WDR72: variants seen among roughly 807,000 people sequenced by gnomAD.
WDR72 encodes WD repeat-containing protein 72.
In WDR72, 120 loss-of-function variants were observed where a neutral mutation model predicts 124.2. The ratio of observed to expected loss-of-function variants is 0.97; its 90% CI spans 0.83 to 1.12. The LOEUF is 1.12. Among genes scored for constraint, WDR72 ranks in the 50% most tolerant of loss-of-function variants. The pLI, the probability that WDR72 is intolerant of heterozygous loss-of-function variation, is 0.00. For synonymous variants in WDR72, 452 were observed against 441.7 expected (o/e 1.02, Z -0.29); for missense variants, 1,387 against 1,278.8 (o/e 1.08, Z -1.29).
At chr15:53,658,844 C>A (rs898956472) in intron 14 of WDR72, among the ~76,000 whole-genome samples, 1 of 152,164 alleles carries the variant, frequency 6.6e-6, no homozygotes, top group Non-Finnish European at 1.5e-5. Context: ...ATTTAAACTT[C>A]CACTTATAAA....
At chr15:53,578,282 T>C (rs1159310420) in intron 18 of WDR72, among the ~76,000 whole-genome samples, 1 of 151,992 alleles carries the variant, frequency 6.6e-6, no homozygotes, top group East Asian at 1.9e-4. Context: ...GTGACAGAAG[T>C]ACAGGTTAGG....
chr15:53,760,700 C>T (rs967764747), upstream of WDR72, among the ~76,000 whole-genome samples: 2 of 152,130 alleles, frequency 1.3e-5, no homozygotes, highest in African/African-American at 4.8e-5. Context: ...GTATACCTAG[C>T]AATCGGGTTG....
chr15:53,606,158 G>C (rs2171477), intron 17 of WDR72, among the ~76,000 whole-genome samples: 115,688 of 152,034 alleles, frequency 0.76, 44,254 homozygotes, highest in Middle Eastern at 0.9. Context: ...ATGCCCAAAT[G>C]ACATTAAAGT....
rs3081256 is a variant in WDR72, at chr15:53,619,264, TTGTGTG to T, written c.1963-3027_1963-3022del. 2.2e-3 allele frequency among the ~76,000 whole-genome samples: 322 copies of T among 147,504 alleles called. 4 individuals are homozygous for T. The highest frequency in any genetic ancestry group is 7.5e-3 in the African/African-American group (303 of 40,232). Reference sequence around the variant, plus strand: ...TCCTGTTTCCTTGTATGCTTTATAATTGTGTGTGTGTGTGTGTGTGTGTGTGTGTAT... The same window carrying T: ...TCCTGTTTCCTTGTATGCTTTATAATTGTGTGTGTGTGTGTGTGTGTGTAT... On this transcript the variant is annotated intron_variant, in intron 14 of 19. Coordinates refer to ENST00000360509, the MANE Select transcript of WDR72 (RefSeq NM_182758.4).
At chr15:53,680,547 C>A (rs1002176579) in intron 13 of WDR72, among the ~76,000 whole-genome samples, 66 of 152,192 alleles carry the variant, frequency 4.3e-4, no homozygotes, top group African/African-American at 1.6e-3. Context: ...AATGTGGTGA[C>A]CAAAGAAAGT....
chr15:53,566,477 CG>C (rs145527072), intron 18 of WDR72, among the ~76,000 whole-genome samples: 74 of 151,976 alleles, frequency 4.9e-4, no homozygotes, highest in African/African-American at 1.7e-3. Flanking sequence ...AGCAAGGAGT[CG>C]GGGGGTGACT....
At chr15:53,595,525 C>G (rs1595782085) in intron 18 of WDR72, among the ~76,000 whole-genome samples, 2 of 152,114 alleles carry the variant, frequency 1.3e-5, no homozygotes, top group African/African-American at 4.8e-5. Context: ...CCAATAATTT[C>G]TTACCCAGAA....
At chr15:53,762,415 G>T (rs975671338), upstream of WDR72, among the ~76,000 whole-genome samples, 3 of 152,172 alleles carry the variant, frequency 2.0e-5, no homozygotes, top group Admixed American at 6.5e-5. Flanking sequence ...CATTGCTTGT[G>T]CATTGGCCTC....
At position 53,523,398 on chromosome 15, in the gene WDR72, A is replaced by T; in HGVS notation, c.3149-76T>A. ...AAGTAGTAGCAAACACCATTAAAAC[A>T]TTTCCTTTCAGTTCCACAGATATTT... On this transcript the variant is annotated intron_variant, in intron 18 of 19. Transcript: ENST00000360509. 5 of 1,386,916 alleles carry T rather than the reference A, an allele frequency of 3.6e-6. No individual in the cohort carries two copies. The South Asian group carries it at 5.8e-5, about 16-fold the overall frequency. 85.9% of individuals were successfully genotyped at this position (1,386,916 alleles called of 1,614,324 possible). A position where few individuals can be genotyped will look rare whatever the true frequency, so the allele number is the denominator to read the frequency against.
intron 14 of WDR72, among the ~76,000 whole-genome samples, chr15:53,654,880 T>C (rs2140433377): frequency 6.6e-6 from 1 of 152,328 alleles, no homozygotes; most frequent in East Asian, 1.9e-4. Context: ...TGCCTCAAGA[T>C]ATTTTAAGCT....
intron 14 of WDR72, among the ~76,000 whole-genome samples, chr15:53,646,897 G>A (rs1008484451): frequency 6.6e-6 from 1 of 152,006 alleles, no homozygotes; most frequent in Non-Finnish European, 1.5e-5. Flanking sequence ...GAATAATTAA[G>A]GGTCTTTGTT....
intron 14 of WDR72, among the ~76,000 whole-genome samples, chr15:53,628,251 A>C (rs1672374542): frequency 1.3e-5 from 2 of 152,184 alleles, no homozygotes; most frequent in South Asian, 4.1e-4. Flanking sequence ...GTAAATAAAA[A>C]CTATAAGTCA....
At chr15:53,532,417 T>C (rs1892531233) in intron 18 of WDR72, among the ~76,000 whole-genome samples, 1 of 152,098 alleles carries the variant, frequency 6.6e-6, no homozygotes, top group South Asian at 2.1e-4. Context: ...GATGAATAGA[T>C]AAAGAAAATC....
chr15:53,733,931 T>C (rs1319663533), intron 1 of WDR72, among the ~76,000 whole-genome samples: 1 of 152,132 alleles, frequency 6.6e-6, no homozygotes, highest in Admixed American at 6.5e-5. Context: ...ACAAACAATT[T>C]TGGGAGACAA....
intron 1 of WDR72, 134 bp downstream of exon 1, chr15:53,759,499 C>T (rs1172230396): frequency 6.6e-6 from 1 of 152,302 alleles, no homozygotes; most frequent in Non-Finnish European, 1.5e-5. Context: ...CAGCTGTATC[C>T]AAGCGCGGGC....
At chr15:53,625,685 C>T (rs768950475) in intron 14 of WDR72, among the ~76,000 whole-genome samples, 1 of 152,034 alleles carries the variant, frequency 6.6e-6, no homozygotes, top group African/African-American at 2.4e-5. Context: ...TATTCCTCTA[C>T]TACCCACAAG....
At chr15:53,520,826 C>T (rs150251132) in intron 19 of WDR72, among the ~76,000 whole-genome samples, 6 of 152,198 alleles carry the variant, frequency 3.9e-5, no homozygotes, top group South Asian at 2.1e-4. Context: ...CAAATTCACA[C>T]GAGAAACATA....
At chr15:53,597,396 T>A (rs2012829609) in intron 17 of WDR72, 122 bp from the exon 18 acceptor site, 3 of 943,604 alleles carry the variant, frequency 3.2e-6, no homozygotes, top group Admixed American at 4.8e-5. Flanking sequence ...TAACTTTTCA[T>A]ACTTCTAGAA....
intron 1 of WDR72, among the ~76,000 whole-genome samples, chr15:53,736,520 T>C (rs867419459): frequency 6.6e-6 from 1 of 152,100 alleles, no homozygotes; most frequent in Middle Eastern, 3.2e-3. Context: ...GGCCCTGCTG[T>C]GAGGGGCCAG....
Sources: allele counts gnomAD v4.1 joint callset (sites outside exome capture counted in the v4.1 genomes callset), GRCh38; gene constraint gnomAD v4.1.1; transcripts MANE v1.5; gene names NCBI Gene and HGNC (gene_info 2026-07-23, HGNC 2026-07-21).